NBPF8: variants seen among roughly 807,000 people sequenced by gnomAD.
The protein encoded by NBPF8 is NBPF family member NBPF8.
At chr1:120,451,651 A>T (rs1411219935) in intron 12 of NBPF8, among the ~76,000 whole-genome samples, 2 of 145,948 alleles carry the variant, frequency 1.4e-5, no homozygotes, top group Non-Finnish European at 3.0e-5. Flanking sequence ...GCGGCTTCTC[A>T]TTCTTTCACT....
upstream of NBPF8, among the ~76,000 whole-genome samples, chr1:120,419,169 G>C (rs1432908695): frequency 6.6e-6 from 1 of 152,218 alleles, no homozygotes; most frequent in Non-Finnish European, 1.5e-5. Context: ...AAAATAGCTT[G>C]TATACAGCAG....
intron 16 of NBPF8, among the ~76,000 whole-genome samples, chr1:120,456,254 G>A (rs1661433275): frequency 6.6e-6 from 1 of 151,190 alleles, no homozygotes; most frequent in Non-Finnish European, 1.5e-5. Flanking sequence ...GATTTGGGGT[G>A]GAGGGTTCTG....
chr1:120,431,695 G>A (rs1553247089), upstream of NBPF8, among the ~76,000 whole-genome samples: 3,833 of 151,312 alleles, frequency 0.025, 42 homozygotes, highest in African/African-American at 0.039. Context: ...AAATGGTATG[G>A]CTCCTTTGAA....
chr1:120,417,805 T>TTACA (rs2101393079), upstream of NBPF8, among the ~76,000 whole-genome samples: 1 of 146,424 alleles, frequency 6.8e-6, no homozygotes, highest in South Asian at 2.2e-4. Context: ...TTCAACATGT[T>TTACA]TCCCAGGTTG....
intron 20 of NBPF8, 128 bp downstream of exon 18, chr1:120,462,325 G>C (rs1661614514): frequency 1.5e-6 from 1 of 684,324 alleles, no homozygotes; most frequent in Non-Finnish European, 2.6e-6. Flanking sequence ...TGACATTGCT[G>C]TTGGTTTTCA....
At chr1:120,462,535 C>A (rs1397261997) in intron 20 of NBPF8, among the ~76,000 whole-genome samples, 3 of 111,594 alleles carry the variant, frequency 2.7e-5, no homozygotes, top group Admixed American at 1.9e-4. Context: ...CCTTTGACCC[C>A]TTCATCAGTG....
At chr1:120,435,766 T>C (rs1249661974), upstream of NBPF8, among the ~76,000 whole-genome samples, 20 of 151,518 alleles carry the variant, frequency 1.3e-4, no homozygotes, top group African/African-American at 4.4e-4. Context: ...CTTGGGAGTC[T>C]GAGGCAGGAG....
At position 120,466,303 on chromosome 1, in the gene NBPF8, C is replaced by A. The variant is rs1661749073; in HGVS notation, n.3894C>A. On this transcript the variant is annotated non_coding_transcript_exon_variant, in exon 25 of 25. Coordinates refer to ENST00000583271, the Ensembl canonical transcript of NBPF8. ...GAAGATTTGAATGAAACTATAGTTC[C>A]ATTTGGAAGCCCAGACATAGGATGG... 1.2e-5 allele frequency: 19 copies of A among 1,561,898 alleles called. No homozygotes were observed. The Admixed American group carries it at 1.9e-4, about 16-fold the overall frequency.
At chr1:120,426,813 CAT>C (rs1201896338) in intron 2 of NBPF8, among the ~76,000 whole-genome samples, 1 of 151,946 alleles carries the variant, frequency 6.6e-6, no homozygotes, top group African/African-American at 2.4e-5. Context: ...ATGGGACAGA[CAT>C]AGAATAACAA....
chr1:120,469,277 T>C (rs1661844978), downstream of NBPF8, among the ~76,000 whole-genome samples: 1 of 142,434 alleles, frequency 7.0e-6, no homozygotes, highest in African/African-American at 2.7e-5. Context: ...GAAGGAAAGC[T>C]GGATACCCAG....
intron 11 of NBPF8, among the ~76,000 whole-genome samples, chr1:120,450,137 GA>G (rs1661221981): frequency 6.6e-6 from 1 of 152,118 alleles, no homozygotes; most frequent in Non-Finnish European, 1.5e-5. Context: ...TGAGGCAGGA[GA>G]ATCCTTTGAA....
At chr1:120,457,736 A>T (rs1310175686) in intron 16 of NBPF8, among the ~76,000 whole-genome samples, 23,090 of 53,458 alleles carry the variant, frequency 0.43, 7,585 homozygotes, top group Admixed American at 0.52. Context: ...TTAAAAAAAA[A>T]ATATATATAT....
At chr1:120,435,648 G>T (rs1319019018), upstream of NBPF8, among the ~76,000 whole-genome samples, 2 of 149,548 alleles carry the variant, frequency 1.3e-5, no homozygotes, top group African/African-American at 5.0e-5. Context: ...CGAGACCATC[G>T]TGGCTAACAC....
At chr1:120,459,795 G>A (rs1661526865) in intron 17 of NBPF8, among the ~76,000 whole-genome samples, 1 of 152,218 alleles carries the variant, frequency 6.6e-6, no homozygotes, top group African/African-American at 2.4e-5. Flanking sequence ...CAAGGCAGGT[G>A]TGGCAAACTC....
upstream of NBPF8, among the ~76,000 whole-genome samples, chr1:120,431,748 T>C (rs1660886604): frequency 6.6e-6 from 1 of 151,726 alleles, no homozygotes; most frequent in Admixed American, 6.6e-5. Flanking sequence ...ACAAATCAGA[T>C]AGACAGTCAT....
At chr1:120,435,654 AAC>A (rs1421556340), upstream of NBPF8, among the ~76,000 whole-genome samples, 3 of 150,876 alleles carry the variant, frequency 2.0e-5, no homozygotes, top group East Asian at 5.8e-4. Context: ...CATCGTGGCT[AAC>A]ACAGTGAAAC....
intron 3 of NBPF8, among the ~76,000 whole-genome samples, chr1:120,430,775 G>T (rs1247351994): frequency 2.5e-5 from 3 of 118,570 alleles, no homozygotes; most frequent in African/African-American, 9.6e-5. Context: ...AAAAAAAAAA[G>T]GAAAGTCAAC....
upstream of NBPF8, among the ~76,000 whole-genome samples, chr1:120,419,541 C>A (rs1301684059): frequency 1.3e-5 from 2 of 152,198 alleles, no homozygotes; most frequent in Non-Finnish European, 2.9e-5. Context: ...AGCTCACTAA[C>A]CTCTAATTCG....
chr1:120,456,293 G>A (rs202080918), intron 16 of NBPF8, among the ~76,000 whole-genome samples: 3 of 150,828 alleles, frequency 2.0e-5, no homozygotes, highest in Non-Finnish European at 4.4e-5. Context: ...GCTTGGTGGA[G>A]AGCTGAGTTC....
Sources: allele counts gnomAD v4.1 joint callset (sites outside exome capture counted in the v4.1 genomes callset), GRCh38; gene constraint gnomAD v4.1.1; transcripts MANE v1.5; gene names NCBI Gene and HGNC (gene_info 2026-07-23, HGNC 2026-07-21).